The following GRIK1 variants were observed in gnomAD, a reference collection of about 807,000 sequenced individuals.
GRIK1 encodes glutamate ionotropic receptor kainate type subunit 1.
GRIK1 carries 69 observed loss-of-function variants against 105.7 expected under a neutral mutation model. The observed-to-expected ratio is 0.65, with a 90% confidence interval of 0.54 to 0.80. The LOEUF is 0.80. Among genes scored for constraint, GRIK1 ranks in the 30% least tolerant of loss-of-function variants. The pLI is 0.00. For synonymous variants in GRIK1, 438 were observed against 431.3 expected (o/e 1.02, Z -0.19); for missense variants, 1,109 against 1,167.3 (o/e 0.95, Z 0.73).
chr21:29,767,740 G>A (rs2065707080), intron 1 of GRIK1, among the ~76,000 whole-genome samples: 1 of 152,102 alleles, frequency 6.6e-6, no homozygotes, highest in South Asian at 2.1e-4. Context: ...TTGCCTTTGA[G>A]TCAGAAGTCC....
intron 1 of GRIK1, among the ~76,000 whole-genome samples, chr21:29,705,055 A>T (rs545812972): frequency 6.6e-6 from 1 of 152,362 alleles, no homozygotes; most frequent in South Asian, 2.1e-4. Flanking sequence ...TGAATGGAAT[A>T]AGACAAGTTC....
chr21:29,714,049 G>A (rs2064119579), intron 1 of GRIK1, among the ~76,000 whole-genome samples: 2 of 152,338 alleles, frequency 1.3e-5, no homozygotes, highest in East Asian at 1.9e-4. Flanking sequence ...TGGGCGAGAA[G>A]CAGTGGGGAA....
intron 1 of GRIK1, among the ~76,000 whole-genome samples, chr21:29,694,423 C>T (rs572595219): frequency 6.6e-6 from 1 of 152,090 alleles, no homozygotes; most frequent in Admixed American, 6.5e-5. Flanking sequence ...CACACCCGGC[C>T]AGTAAAAAGA....
intron 14 of GRIK1, among the ~76,000 whole-genome samples, chr21:29,572,698 A>G (rs1189048580): frequency 6.6e-6 from 1 of 151,948 alleles, no homozygotes; most frequent in Non-Finnish European, 1.5e-5. Context: ...GGGGTAAATT[A>G]TCTAGCCTGT....
chr21:29,547,613 T>C (rs1396932423), intron 16 of GRIK1, among the ~76,000 whole-genome samples: 2 of 152,272 alleles, frequency 1.3e-5, no homozygotes, highest in Non-Finnish European at 2.9e-5. Flanking sequence ...GTCACCTGTC[T>C]ATTGGGCCAT....
intron 7 of GRIK1, among the ~76,000 whole-genome samples, chr21:29,623,188 T>C (rs774530130): frequency 6.6e-6 from 1 of 152,114 alleles, no homozygotes; most frequent in Non-Finnish European, 1.5e-5. Context: ...AGGAACATCT[T>C]ATATGGCAGC....
At chr21:29,721,693 C>G (rs1024517315) in intron 1 of GRIK1, among the ~76,000 whole-genome samples, 1 of 152,052 alleles carries the variant, frequency 6.6e-6, no homozygotes, top group Non-Finnish European at 1.5e-5. Context: ...AAAAAACTAC[C>G]TTAGAAGCAG....
chr21:29,616,260 C>T (rs896465212), intron 7 of GRIK1, among the ~76,000 whole-genome samples: 4 of 152,146 alleles, frequency 2.6e-5, no homozygotes, highest in African/African-American at 9.7e-5. Flanking sequence ...CTGACTGAAC[C>T]CATCTCTTGA....
intron 1 of GRIK1, among the ~76,000 whole-genome samples, chr21:29,708,970 C>T (rs1601504176): frequency 6.6e-6 from 1 of 152,006 alleles, no homozygotes; most frequent in East Asian, 1.9e-4. Context: ...TCATTTAATC[C>T]ATTTGAAATA....
intron 9 of GRIK1, chr21:29,596,199 T>C (rs1003419241): frequency 6.0e-5 from 25 of 419,400 alleles, no homozygotes; most frequent in African/African-American, 3.1e-4. Flanking sequence ...TGAGAAGGAA[T>C]ATAAATAGGT....
intron 1 of GRIK1, among the ~76,000 whole-genome samples, chr21:29,779,460 A>G (rs923813312): frequency 1.3e-4 from 20 of 149,784 alleles, no homozygotes; most frequent in African/African-American, 3.5e-4. Context: ...TTAAGACAAT[A>G]TAATAGAACA....
intron 7 of GRIK1, among the ~76,000 whole-genome samples, chr21:29,622,568 C>G (rs2146437158): frequency 6.6e-6 from 1 of 152,266 alleles, no homozygotes; most frequent in East Asian, 1.9e-4. Context: ...GATCCTGTCC[C>G]AAATTCCCAG....
At position 29,600,734 on chromosome 21, in the gene GRIK1, G is replaced by A. The variant is rs151282905; in HGVS notation, c.1099-1797C>T. On this transcript the variant is annotated intron_variant, in intron 7 of 17. Coordinates refer to ENST00000327783, the MANE Select transcript of GRIK1 (RefSeq NM_001330994.2). Reference sequence around the variant, plus strand: ...ACTTCAGGCAAGCTACTGAACTTGAGGCGTTTTAATTTTTAACATTTATTG... The same window carrying A: ...ACTTCAGGCAAGCTACTGAACTTGAAGCGTTTTAATTTTTAACATTTATTG... Among the ~76,000 whole-genome samples the A allele has an allele frequency of 3.0e-3, 454 of 152,270 alleles. 5 individuals carry two copies. Among genetic ancestry groups the A allele is most frequent in the African/African-American group, 0.01 (435 of 41,564 alleles).
At chr21:29,927,569 T>G (rs541777115) in intron 1 of GRIK1, among the ~76,000 whole-genome samples, 1 of 150,630 alleles carries the variant, frequency 6.6e-6, no homozygotes, top group Admixed American at 6.6e-5. Context: ...TATATATTAT[T>G]TATACAAATA....
At chr21:29,634,269 T>C (rs2062348165) in intron 7 of GRIK1, among the ~76,000 whole-genome samples, 1 of 152,244 alleles carries the variant, frequency 6.6e-6, no homozygotes, top group African/African-American at 2.4e-5. Flanking sequence ...TATATTCAAA[T>C]GTATAATCTC....
At chr21:29,541,575 CTTTTTTT>C (rs34910439) in intron 16 of GRIK1, among the ~76,000 whole-genome samples, 2 of 95,968 alleles carry the variant, frequency 2.1e-5, no homozygotes, top group African/African-American at 4.8e-5. Context: ...CACTCACGGT[CTTTTTTT>C]TTTTTTTTTT....
At chr21:29,749,933 T>C (rs1428651650) in intron 1 of GRIK1, among the ~76,000 whole-genome samples, 1 of 152,148 alleles carries the variant, frequency 6.6e-6, no homozygotes, top group African/African-American at 2.4e-5. Context: ...CAAAAGTACG[T>C]AATCTAAATT....
chr21:29,936,874 G>A (rs1447406534), intron 1 of GRIK1, among the ~76,000 whole-genome samples: 4 of 152,160 alleles, frequency 2.6e-5, no homozygotes, highest in Admixed American at 1.3e-4. Context: ...TCTATATGAG[G>A]ACCCAGTACT....
intron 14 of GRIK1, among the ~76,000 whole-genome samples, chr21:29,570,409 G>A (rs2090714011): frequency 6.6e-6 from 1 of 151,986 alleles, no homozygotes; most frequent in African/African-American, 2.4e-5. Flanking sequence ...GGCTGAGGCA[G>A]GAGAATCATT....
Sources: allele counts gnomAD v4.1 joint callset (sites outside exome capture counted in the v4.1 genomes callset), GRCh38; gene constraint gnomAD v4.1.1; transcripts MANE v1.5; gene names NCBI Gene and HGNC (gene_info 2026-07-23, HGNC 2026-07-21).